The following CTNND2 variants were observed in gnomAD, a reference collection of about 807,000 sequenced individuals.
CTNND2 encodes catenin delta-2.
In CTNND2, 22 loss-of-function variants were observed where a neutral mutation model predicts 144.4. That is an observed-to-expected ratio of 0.15 (90% CI 0.11 to 0.22). The LOEUF (loss-of-function observed/expected upper bound fraction) is 0.22, where lower values mean the gene tolerates loss of function less well. Ranked by LOEUF, CTNND2 falls within the 10% of genes least tolerant of loss-of-function variation. The pLI is 1.00. For missense variants in CTNND2, 1,353 were observed against 1,618.8 expected (o/e 0.84, Z 2.82); for synonymous variants, 751 against 695.6 (o/e 1.08, Z -1.25).
intron 1 of CTNND2, among the ~76,000 whole-genome samples, chr5:11,757,204 T>C (rs955461069): frequency 1.3e-5 from 2 of 148,502 alleles, no homozygotes; most frequent in African/African-American, 4.9e-5. Context: ...CACACACACA[T>C]AACAAAAATG....
intron 1 of CTNND2, among the ~76,000 whole-genome samples, chr5:11,829,733 G>T (rs1011756589): frequency 2.0e-5 from 3 of 152,248 alleles, no homozygotes; most frequent in Non-Finnish European, 4.4e-5. Context: ...GCCCCATACA[G>T]AGTCCCTACT....
intron 1 of CTNND2, among the ~76,000 whole-genome samples, chr5:11,855,294 C>T (rs1795201843): frequency 6.6e-6 from 1 of 152,170 alleles, no homozygotes; most frequent in Non-Finnish European, 1.5e-5. Flanking sequence ...AGGTATGAAT[C>T]CTAGTTCCCC....
At chr5:11,209,178 T>C (rs1345330936) in intron 10 of CTNND2, among the ~76,000 whole-genome samples, 1 of 152,160 alleles carries the variant, frequency 6.6e-6, no homozygotes, top group Non-Finnish European at 1.5e-5. Context: ...ATTCAAGGGA[T>C]TTTCTAGAAC....
At chr5:11,146,531 C>T (rs945220946) in intron 12 of CTNND2, among the ~76,000 whole-genome samples, 13 of 152,308 alleles carry the variant, frequency 8.5e-5, no homozygotes, top group African/African-American at 3.1e-4. Flanking sequence ...CATAATATAT[C>T]ATTTATGATG....
intron 3 of CTNND2, among the ~76,000 whole-genome samples, chr5:11,506,756 G>A (rs1771084399): frequency 6.6e-6 from 1 of 152,204 alleles, no homozygotes; most frequent in Non-Finnish European, 1.5e-5. Context: ...CTGATGGCTA[G>A]CAAGCCTTCC....
intron 9 of CTNND2, among the ~76,000 whole-genome samples, chr5:11,251,309 A>G (rs1464441556): frequency 6.6e-6 from 1 of 152,166 alleles, no homozygotes; most frequent in African/African-American, 2.4e-5. Flanking sequence ...AATCATCTAC[A>G]TCCTAACATG....
intron 9 of CTNND2, among the ~76,000 whole-genome samples, chr5:11,305,737 G>T (rs1029800262): frequency 1.3e-5 from 2 of 152,206 alleles, no homozygotes; most frequent in African/African-American, 4.8e-5. Context: ...AGGATGCCAG[G>T]AAGGCTTTTA....
chr5:11,814,977 A>C (rs1222069915), intron 1 of CTNND2, among the ~76,000 whole-genome samples: 1 of 152,184 alleles, frequency 6.6e-6, no homozygotes, highest in African/African-American at 2.4e-5. Flanking sequence ...TAAAGAACTT[A>C]TTTTTAAGAT....
intron 1 of CTNND2, among the ~76,000 whole-genome samples, chr5:11,750,519 G>A (rs1296725584): frequency 6.6e-6 from 1 of 151,784 alleles, no homozygotes; most frequent in East Asian, 1.9e-4. Context: ...GCATGACGGG[G>A]GATACCTACA....
chr5:11,618,439 A>G (rs1780680195), intron 2 of CTNND2, among the ~76,000 whole-genome samples: 1 of 152,218 alleles, frequency 6.6e-6, no homozygotes, highest in African/African-American at 2.4e-5. Context: ...ACTTCTGGCC[A>G]CTTGTGTCCT....
intron 3 of CTNND2, among the ~76,000 whole-genome samples, chr5:11,471,847 C>A (rs930448430): frequency 2.0e-5 from 3 of 152,150 alleles, no homozygotes; most frequent in Non-Finnish European, 4.4e-5. Flanking sequence ...CATTAATTCC[C>A]AAAGTGAAGC....
At chr5:11,681,773 A>G (rs967238104) in intron 2 of CTNND2, among the ~76,000 whole-genome samples, 1 of 152,240 alleles carries the variant, frequency 6.6e-6, no homozygotes. Context: ...GTTTACACCT[A>G]TCAGAAAGGC....
rs115942081 is a variant in CTNND2, at chr5:11,366,802, A to G, written c.1178-1912T>C. 2.6e-3 allele frequency among the ~76,000 whole-genome samples: 401 copies of G among 152,326 alleles called. 2 individuals are homozygous for G. The highest frequency in any genetic ancestry group is 8.3e-3 in the African/African-American group (345 of 41,580). ...ATTCTAAGCCTCAAAAAAACATCCA[A>G]TGATGACCAATGAGAGGATCTGCTG... On this transcript the variant is annotated intron_variant, in intron 7 of 21. Transcript: ENST00000304623.
chr5:11,285,942 T>TTAATA (rs1554021074), intron 9 of CTNND2, among the ~76,000 whole-genome samples: 2 of 152,094 alleles, frequency 1.3e-5, no homozygotes, highest in Admixed American at 6.6e-5. Context: ...AGAGCATAGG[T>TTAATA]GGATGCAGAT....
At chr5:11,662,841 CTG>C (rs1255622206) in intron 2 of CTNND2, among the ~76,000 whole-genome samples, 1 of 152,130 alleles carries the variant, frequency 6.6e-6, no homozygotes, top group East Asian at 1.9e-4. Flanking sequence ...CATGGAAAAA[CTG>C]TCTTCCGCAA....
intron 6 of CTNND2, among the ~76,000 whole-genome samples, chr5:11,388,264 G>C (rs1253201013): frequency 6.6e-6 from 1 of 152,168 alleles, no homozygotes; most frequent in Non-Finnish European, 1.5e-5. Context: ...ATCAACTAGA[G>C]CACCTTCTCA....
chr5:11,663,863 T>A (rs1186469060), intron 2 of CTNND2, among the ~76,000 whole-genome samples: 1 of 152,180 alleles, frequency 6.6e-6, no homozygotes, highest in Non-Finnish European at 1.5e-5. Context: ...ATTAAGTAAC[T>A]TATTATGCTT....
chr5:11,302,962 T>G lies in CTNND2; in HGVS notation c.1628+43410A>C, dbSNP rs189987371. Among the ~76,000 whole-genome samples, 235 of 152,268 alleles carry G rather than the reference T, an allele frequency of 1.5e-3. 4 individuals are homozygous for G. Among genetic ancestry groups the G allele is most frequent in the Non-Finnish European group, 5.0e-4 (34 of 68,024 alleles). On this transcript the variant is annotated intron_variant, in intron 9 of 21. Coordinates refer to ENST00000304623, the MANE Select transcript of CTNND2 (RefSeq NM_001332.4). Reference sequence around the variant, plus strand: ...CTGCCCCAGAGTTATCCCAGAGTGTTCAGACCCACAGGCATAGCCAGACTT... The same window carrying G: ...CTGCCCCAGAGTTATCCCAGAGTGTGCAGACCCACAGGCATAGCCAGACTT...
At chr5:11,494,473 G>GA (rs199712005) in intron 3 of CTNND2, among the ~76,000 whole-genome samples, 3 of 151,316 alleles carry the variant, frequency 2.0e-5, no homozygotes, top group Admixed American at 6.6e-5. Context: ...GTATTTGAAA[G>GA]AAAAAAAAAT....
Sources: gnomAD v4.1 joint callset for allele counts (sites outside exome capture counted in the v4.1 genomes callset) on GRCh38, gnomAD v4.1.1 for gene constraint, MANE v1.5 for transcripts, NCBI Gene and HGNC (gene_info 2026-07-23, HGNC 2026-07-21) for gene names.